Variants in PTPRZ1 observed in about 807,000 individuals in gnomAD.
PTPRZ1 encodes protein tyrosine phosphatase receptor type Z1.
PTPRZ1 carries 82 observed loss-of-function variants against 214.1 expected under a neutral mutation model. The ratio of observed to expected loss-of-function variants is 0.38; its 90% CI spans 0.32 to 0.46. The LOEUF (loss-of-function observed/expected upper bound fraction) is 0.46. Ranked by LOEUF, PTPRZ1 falls within the 20% of genes least tolerant of loss-of-function variation. PTPRZ1 has a pLI of 1.00. For missense variants in PTPRZ1, 2,603 were observed against 2,748.7 expected (o/e 0.95, Z 1.19); for synonymous variants, 945 against 987.9 (o/e 0.96, Z 0.81).
chr7:122,021,761 G>T (rs981320880), intron 13 of PTPRZ1, among the ~76,000 whole-genome samples: 4 of 151,926 alleles, frequency 2.6e-5, no homozygotes, highest in Admixed American at 2.6e-4. Context: ...CACTTTGATG[G>T]TTTTATGTAT....
At chr7:122,014,729 C>T (rs1292896630) in intron 12 of PTPRZ1, among the ~76,000 whole-genome samples, 1 of 152,188 alleles carries the variant, frequency 6.6e-6, no homozygotes, top group African/African-American at 2.4e-5. Flanking sequence ...TGAGCCACTG[C>T]ACCAGGCCAG....
At chr7:121,922,618 T>A (rs1465201683) in intron 1 of PTPRZ1, among the ~76,000 whole-genome samples, 2 of 152,206 alleles carry the variant, frequency 1.3e-5, no homozygotes, top group African/African-American at 2.4e-5. Flanking sequence ...TCCTATTTTT[T>A]ATTTTATTCT....
At position 122,040,952 on chromosome 7, in the gene PTPRZ1, C is replaced by A; in HGVS notation, c.5774C>A (p.Ala1925Glu). 6.3e-7 allele frequency: 1 copy of A among 1,581,816 alleles called. No individual in the cohort carries two copies. The highest frequency in any genetic ancestry group is 8.6e-7 in the Non-Finnish European group (1 of 1,157,122). ...VRKAAYAKRH[A>E]VGPVVVHCSA... is the part of the protein sequence containing the mutation. ...AAGGCAGCCTATGCCAAGCGCCATGCAGTGGGGCCTGTTGTCGTCCACTGC... is the reference window on the plus strand; with the variant it reads ...AAGGCAGCCTATGCCAAGCGCCATGAAGTGGGGCCTGTTGTCGTCCACTGC... The change falls in exon 21 of 30, where the codon GCA (alanine) becomes GAA (glutamate). Residue 1925 changes from alanine to glutamate, a missense_variant. Physicochemically the swap from Ala to Glu is moderately radical, Grantham distance 107. Transcript: ENST00000393386.
chr7:121,976,754 C>CT, intron 5 of PTPRZ1, 31 bp from the exon 6 acceptor site: 3 of 1,511,094 alleles, frequency 2.0e-6, no homozygotes, highest in South Asian at 1.3e-5. Flanking sequence ...ATGTTTTATT[C>CT]TTTTTTTAGA....
At chr7:121,996,596 G>T in intron 9 of PTPRZ1, 30 bp downstream of exon 9, 2 of 1,468,282 alleles carry the variant, frequency 1.4e-6, no homozygotes, top group Admixed American at 2.1e-5. Context: ...TTTTACATAG[G>T]GTAACATTAT....
intron 2 of PTPRZ1, among the ~76,000 whole-genome samples, chr7:121,948,151 A>G (rs997854248): frequency 3.9e-5 from 6 of 152,188 alleles, no homozygotes; most frequent in Non-Finnish European, 7.3e-5. Flanking sequence ...TATTCATTCA[A>G]TACTAACTAC....
intron 4 of PTPRZ1, 127 bp from the exon 5 acceptor site, chr7:121,976,046 G>T: frequency 1.9e-6 from 1 of 537,106 alleles, no homozygotes; most frequent in Non-Finnish European, 3.2e-6. Flanking sequence ...GATGGTAAAT[G>T]ATAGCAAATG....
intron 1 of PTPRZ1, among the ~76,000 whole-genome samples, chr7:121,923,991 A>T (rs942110742): frequency 6.6e-6 from 1 of 152,086 alleles, no homozygotes; most frequent in Admixed American, 6.5e-5. Context: ...GAGGTTAGAA[A>T]GCTACTTCAT....
At chr7:121,944,629 C>T (rs947462452) in intron 2 of PTPRZ1, among the ~76,000 whole-genome samples, 2 of 138,196 alleles carry the variant, frequency 1.4e-5, no homozygotes, top group Admixed American at 8.0e-5. Flanking sequence ...TATTTTAGTG[C>T]CATACTTACA....
chr7:122,002,370 C>T (rs1286105183), intron 10 of PTPRZ1, among the ~76,000 whole-genome samples: 1 of 152,140 alleles, frequency 6.6e-6, no homozygotes, highest in Admixed American at 6.5e-5. Context: ...GGAGACGTGC[C>T]TAGGCCTACA....
At chr7:121,881,889 T>A (rs1171516476) in intron 1 of PTPRZ1, among the ~76,000 whole-genome samples, 2 of 152,212 alleles carry the variant, frequency 1.3e-5, no homozygotes, top group African/African-American at 4.8e-5. Context: ...TGATACATAT[T>A]CTTGTTCTCT....
chr7:122,007,687 A>G (rs1562857941), intron 11 of PTPRZ1, among the ~76,000 whole-genome samples: 1 of 152,152 alleles, frequency 6.6e-6, no homozygotes, highest in South Asian at 2.1e-4. Flanking sequence ...TCCAAACAGA[A>G]ATGTATGACT....
intron 13 of PTPRZ1, among the ~76,000 whole-genome samples, chr7:122,022,008 G>C (rs1195000556): frequency 6.6e-6 from 1 of 152,132 alleles, no homozygotes; most frequent in East Asian, 1.9e-4. Context: ...AGCTACATTT[G>C]TAAACAATAT....
In PTPRZ1 at chr7:122,010,584, A is replaced by T. The variant is rs779183952; in HGVS notation, c.1538A>T (p.Glu513Val). The T allele has an allele frequency of 2.4e-5, 39 of 1,613,544 alleles. No individual in the cohort carries two copies. In the South Asian group the frequency reaches 3.7e-4, roughly 15 times the overall value. Reference sequence around the variant, plus strand: ...CAACCAGTCACTAAATTAGCCACAGAAAAAGATATTTCCTTGACTTCTCAG... The same window carrying T: ...CAACCAGTCACTAAATTAGCCACAGTAAAAGATATTTCCTTGACTTCTCAG... ...TSQPVTKLAT[E>V]KDISLTSQTV... The change falls in exon 12 of 30, where the codon GAA (glutamate) becomes GTA (valine). Residue 513 changes from glutamate (E) to valine (V), a missense_variant. This residue lies in a region of PTPRZ1 where 1,913 missense variants were observed against 1,914.3 expected (regional missense o/e 1.00). Coordinates refer to ENST00000393386, the MANE Select transcript of PTPRZ1 (RefSeq NM_002851.3).
chr7:121,881,565 TA>T (rs1444255550), intron 1 of PTPRZ1, among the ~76,000 whole-genome samples: 4 of 152,200 alleles, frequency 2.6e-5, no homozygotes, highest in African/African-American at 7.2e-5. Context: ...AAGGTGGAGA[TA>T]TTTGCAGGTC....
At chr7:122,023,789 T>C (rs1799119292) in intron 13 of PTPRZ1, among the ~76,000 whole-genome samples, 1 of 131,086 alleles carries the variant, frequency 7.6e-6, no homozygotes, top group Non-Finnish European at 1.6e-5. Context: ...ATATATTATA[T>C]GTATAATTTT....
rs568370417 is a variant in PTPRZ1 at position 122,011,253 on chromosome 7, A to T, written c.2207A>T (p.Asp736Val). 2 of 1,613,970 alleles carry T rather than the reference A, an allele frequency of 1.2e-6. No homozygotes were observed. Among genetic ancestry groups the T allele is most frequent in the Admixed American group, 3.3e-5 (2 of 60,014 alleles). ...TTTACCCCATCCTCCAGACAACAGGATTTGGTCTCCACGGTCAACGTGGTA... is the reference window on the plus strand; with the variant it reads ...TTTACCCCATCCTCCAGACAACAGGTTTTGGTCTCCACGGTCAACGTGGTA... ...HAFTPSSRQQ[D>V]LVSTVNVVYS... is the part of the protein sequence containing the mutation. Residue 736 changes from aspartate (D) to valine (V), a missense_variant, in exon 12 of 30, where the codon GAT becomes GTT. Transcript: ENST00000393386.
At chr7:121,873,701 G>T (rs1793958444) in intron 1 of PTPRZ1, 144 bp downstream of exon 1, 3 of 1,023,620 alleles carry the variant, frequency 2.9e-6, no homozygotes, top group Non-Finnish European at 4.3e-6. Flanking sequence ...CCCACGGAGC[G>T]GGCGGCCGCG....
rs750574613 is a variant in PTPRZ1 at position 122,042,763 on chromosome 7, G to C, written c.5937+20G>C. The C allele has an allele frequency of 6.3e-7, 1 of 1,599,316 alleles. No homozygotes were observed. The highest frequency in any genetic ancestry group is 8.6e-7 in the Non-Finnish European group (1 of 1,167,380). On this transcript the variant is annotated intron_variant, in intron 22 of 29. Coordinates refer to ENST00000393386, the MANE Select transcript of PTPRZ1 (RefSeq NM_002851.3). Reference sequence around the variant, plus strand: ...ACTGAGGTATGATTTTTAAAAAGATGATTTTATTCATCTAAGGTATGGAAA... The same window carrying C: ...ACTGAGGTATGATTTTTAAAAAGATCATTTTATTCATCTAAGGTATGGAAA...
Sources: gnomAD v4.1 joint callset for allele counts (sites outside exome capture counted in the v4.1 genomes callset) on GRCh38, gnomAD v4.1.1 for gene constraint, gnomAD v4.1.1 regional missense constraint, MANE v1.5 for transcripts, NCBI Gene and HGNC (gene_info 2026-07-23, HGNC 2026-07-21) for gene names.